Variants in NCOR2 observed in about 807,000 individuals in gnomAD.
NCOR2 encodes the protein nuclear receptor corepressor 2.
A neutral mutation model predicts 262.9 loss-of-function variants in NCOR2; 81 were observed. The ratio of observed to expected loss-of-function variants is 0.31; its 90% CI spans 0.26 to 0.37. The LOEUF is 0.37. Ranked by LOEUF, NCOR2 falls within the 10% of genes least tolerant of loss-of-function variation. The pLI is 1.00. For missense variants in NCOR2, 3,385 were observed against 3,621.4 expected (o/e 0.93, Z 1.68); for synonymous variants, 1,659 against 1,559.3 (o/e 1.06, Z -1.51).
chr12:124,471,135 A>C (rs1171074963), intron 4 of NCOR2, among the ~76,000 whole-genome samples: 2 of 152,192 alleles, frequency 1.3e-5, no homozygotes, highest in Non-Finnish European at 2.9e-5. Flanking sequence ...CTGCTGGACT[A>C]TCCTCAAATC....
At chr12:124,475,340 G>C (rs914890977) in intron 3 of NCOR2, among the ~76,000 whole-genome samples, 1 of 150,648 alleles carries the variant, frequency 6.6e-6, no homozygotes, top group Non-Finnish European at 1.5e-5. Context: ...CACACCCCAT[G>C]AAGTCCTCTG....
At chr12:124,559,599 C>T (rs1176518930) in intron 1 of NCOR2, among the ~76,000 whole-genome samples, 2 of 152,182 alleles carry the variant, frequency 1.3e-5, no homozygotes, top group East Asian at 1.9e-4. Flanking sequence ...TTCCTTTGCT[C>T]GGCTCCTGCC....
At chr12:124,333,683 C>T (rs1301532255) in intron 41 of NCOR2, among the ~76,000 whole-genome samples, 1 of 151,606 alleles carries the variant, frequency 6.6e-6, no homozygotes, top group Non-Finnish European at 1.5e-5. Context: ...CACCAAAACG[C>T]CTCCTTCACC....
chr12:124,396,148 G>A (rs550726946), intron 16 of NCOR2, among the ~76,000 whole-genome samples: 24 of 152,266 alleles, frequency 1.6e-4, no homozygotes, highest in African/African-American at 5.5e-4. Flanking sequence ...GACAGAGAGT[G>A]CATTAGTGGC....
At chr12:124,325,428 A>T in exon 47 of NCOR2, 1 of 958,404 alleles carries the variant, frequency 1.0e-6, no homozygotes, top group Middle Eastern at 5.2e-4. Flanking sequence ...AGTGTCTCGT[A>T]CTGCGAGCAG....
intron 11 of NCOR2, 120 bp from the exon 14 acceptor site, chr12:124,422,675 T>C: frequency 8.5e-7 from 1 of 1,178,646 alleles, no homozygotes; most frequent in Non-Finnish European, 1.2e-6. Flanking sequence ...ACCGCCCCAC[T>C]TGGAGCAATT....
In NCOR2 at chr12:124,503,957, G is replaced by A. The variant is rs1490098393; in HGVS notation, c.-117-8589C>T. 2.0e-5 allele frequency among the ~76,000 whole-genome samples: 3 copies of A among 152,076 alleles called. No homozygotes were observed. Among genetic ancestry groups the A allele is most frequent in the Admixed American group, 6.6e-5 (1 of 15,256 alleles). ...ATGAGGGACACAGAAAGGCACTGTC[G>A]CCTTCAGGAACCCCCAAACCCATAT... On this transcript the variant is annotated intron_variant, in intron 1 of 46. Coordinates refer to the NCOR2 transcript ENST00000404621. This position sits in a 1 kb window ranked among gnomAD's most constrained non-coding sequence, Gnocchi z 4.3.
chr12:124,417,747 T>C (rs1440097159), intron 13 of NCOR2, among the ~76,000 whole-genome samples: 1 of 152,248 alleles, frequency 6.6e-6, no homozygotes, highest in African/African-American at 2.4e-5. Flanking sequence ...AGAAAATTCC[T>C]GAATGCACTT....
exon 47 of NCOR2, chr12:124,325,312 T>G: frequency 1.2e-6 from 1 of 850,588 alleles, no homozygotes; most frequent in Non-Finnish European, 1.6e-6. Context: ...CTTCCTTGGT[T>G]GGGGGAGTCG....
rs191761040 is a variant in NCOR2, at chr12:124,474,834, C to T, written c.412-1703G>A. 3.3e-5 allele frequency among the ~76,000 whole-genome samples: 5 copies of T among 152,264 alleles called. No individual in the cohort carries two copies. The East Asian group carries it at 5.8e-4, about 18-fold the overall frequency. On this transcript the variant is annotated intron_variant, in intron 3 of 46. Transcript: ENST00000405201. Reference sequence around the variant, plus strand: ...CCCTGTGCCATCCTTGGGGCCAAGCCGGCAGCTGCTGGCAGACAAGGCCCA... The same window carrying T: ...CCCTGTGCCATCCTTGGGGCCAAGCTGGCAGCTGCTGGCAGACAAGGCCCA...
intron 44 of NCOR2, among the ~76,000 whole-genome samples, chr12:124,328,206 A>ACC (rs58204892): frequency 0.98 from 149,443 of 152,066 alleles, 73,490 homozygotes; most frequent in Middle Eastern, 1. Context: ...CACCTGTGTG[A>ACC]TGGGACGTGC....
intron 44 of NCOR2, 134 bp downstream of exon 46, chr12:124,330,711 G>C: frequency 1.0e-6 from 1 of 960,576 alleles, no homozygotes; most frequent in African/African-American, 1.6e-5. Context: ...CTACTGTGCG[G>C]TTAGTTCATC....
chr12:124,348,255 G>C (rs2037112147), exon 29 of NCOR2: 1 of 1,612,564 alleles, frequency 6.2e-7, no homozygotes, highest in Non-Finnish European at 8.5e-7. Context: ...GCCGTCTCAT[G>C]GGGGGGTCCT....
intron 1 of NCOR2, among the ~76,000 whole-genome samples, chr12:124,546,390 C>T (rs1373453466): frequency 1.2e-4 from 19 of 152,172 alleles, no homozygotes; most frequent in Non-Finnish European, 2.9e-5. Context: ...CACAAATAAA[C>T]AATTCGTAAG....
chr12:124,476,870 G>T (rs965925535), intron 3 of NCOR2, among the ~76,000 whole-genome samples: 1 of 147,964 alleles, frequency 6.8e-6, no homozygotes, highest in Admixed American at 6.8e-5. Context: ...GTTCAAGACC[G>T]CCTGGGCAAC....
At chr12:124,500,162 C>T (rs1014536392), upstream of NCOR2, among the ~76,000 whole-genome samples, 5 of 146,608 alleles carry the variant, frequency 3.4e-5, no homozygotes, top group Non-Finnish European at 7.6e-5. Flanking sequence ...CTCAGGTGGC[C>T]GGGATACCCA....
chr12:124,438,490 G>T (rs1219117811), intron 7 of NCOR2, among the ~76,000 whole-genome samples: 1 of 152,148 alleles, frequency 6.6e-6, no homozygotes, highest in Admixed American at 6.5e-5. Context: ...CCTGCTGCGG[G>T]GGGAGGGACA....
At chr12:124,508,213 G>A (rs866764873) in intron 1 of NCOR2, among the ~76,000 whole-genome samples, 5 of 152,228 alleles carry the variant, frequency 3.3e-5, no homozygotes, top group Admixed American at 6.5e-5. Context: ...CAGGCTAAAC[G>A]GGAAGAATCC....
At chr12:124,361,988 A>C in intron 22 of NCOR2, 138 bp downstream of exon 24, 1 of 777,586 alleles carries the variant, frequency 1.3e-6, no homozygotes, top group East Asian at 3.4e-5. Context: ...CCCCCTGCTC[A>C]ACTGTTCCAT....
Sources: allele counts gnomAD v4.1 joint callset (sites outside exome capture counted in the v4.1 genomes callset), GRCh38; gene constraint gnomAD v4.1.1; non-coding constraint Gnocchi (gnomAD v3.1); transcripts MANE v1.5; gene names NCBI Gene and HGNC (gene_info 2026-07-23, HGNC 2026-07-21).